Variants in RALYL observed in about 807,000 individuals in gnomAD.
RALYL encodes the protein RNA-binding Raly-like protein.
In RALYL, 29 loss-of-function variants were observed where a neutral mutation model predicts 35.1. The observed-to-expected ratio is 0.83, with a 90% CI of 0.61 to 1.13. The LOEUF is 1.13. Among genes scored for constraint, RALYL ranks in the 50% most tolerant of loss-of-function variants. The probability of loss-of-function intolerance (pLI) is 0.00; values close to 1 mark genes in which losing one functional copy is unlikely to be tolerated. For missense variants in RALYL, 359 were observed against 360.4 expected (o/e 1.00, Z 0.03); for synonymous variants, 120 against 127.6 (o/e 0.94, Z 0.40).
intron 3 of RALYL, among the ~76,000 whole-genome samples, chr8:84,801,020 G>A (rs1823120720): frequency 6.6e-6 from 1 of 152,126 alleles, no homozygotes; most frequent in African/African-American, 2.4e-5. Flanking sequence ...AGAAAAATGA[G>A]GTTATTCAGA....
Position 84,464,634 on chromosome 8 carries a change from A to G in RALYL, c.-23-64665A>G, listed in dbSNP as rs377302892. Among the ~76,000 whole-genome samples the G allele has an allele frequency of 6.7e-4, 102 of 151,868 alleles. 2 individuals are homozygous for G. The highest frequency in any genetic ancestry group is 3.7e-3 in the Admixed American group (57 of 15,242). On this transcript the variant is annotated intron_variant, in intron 1 of 8. Coordinates refer to ENST00000521268, the MANE Select transcript of RALYL (RefSeq NM_173848.7). ...ATGTGTCTTTATAGCAGCATGATTTATAGTCCTTTGGGTATATACCCAGTA... is the reference window on the plus strand; with the variant it reads ...ATGTGTCTTTATAGCAGCATGATTTGTAGTCCTTTGGGTATATACCCAGTA...
chr8:84,354,820 G>C (rs1212179152), intron 1 of RALYL, among the ~76,000 whole-genome samples: 1 of 149,936 alleles, frequency 6.7e-6, no homozygotes, highest in African/African-American at 2.5e-5. Flanking sequence ...AGAGCTTAAG[G>C]TTTCAGTTTT....
intron 2 of RALYL, among the ~76,000 whole-genome samples, chr8:84,734,237 T>C (rs1311223356): frequency 6.6e-6 from 1 of 152,138 alleles, no homozygotes. Flanking sequence ...ATTTAAATCT[T>C]TGACAAGCTA....
chr8:84,363,640 T>A (rs2131301754), intron 1 of RALYL, among the ~76,000 whole-genome samples: 1 of 152,270 alleles, frequency 6.6e-6, no homozygotes, highest in Admixed American at 6.5e-5. Context: ...GCCTTTGATC[T>A]AACTCTTTCT....
intron 1 of RALYL, among the ~76,000 whole-genome samples, chr8:84,491,967 G>A: frequency 6.6e-6 from 1 of 151,794 alleles, no homozygotes; most frequent in South Asian, 2.1e-4. Context: ...GGCAATTTGT[G>A]TTATCCCAGT....
intron 1 of RALYL, among the ~76,000 whole-genome samples, chr8:84,266,937 G>C (rs940051413): frequency 1.4e-5 from 2 of 146,154 alleles, no homozygotes; most frequent in Non-Finnish European, 3.0e-5. Flanking sequence ...TCCAGCCTGG[G>C]CGACAGAGCG....
chr8:84,688,093 A>T (rs1021198521), intron 2 of RALYL, among the ~76,000 whole-genome samples: 1 of 151,974 alleles, frequency 6.6e-6, no homozygotes, highest in African/African-American at 2.4e-5. Context: ...CCATTGATGA[A>T]CTAAGCTACT....
At chr8:84,654,642 T>C (rs116255492) in intron 2 of RALYL, among the ~76,000 whole-genome samples, 108 of 152,148 alleles carry the variant, frequency 7.1e-4, no homozygotes, top group African/African-American at 2.6e-3. Context: ...AGTTCAATTG[T>C]TTTAATATTT....
chr8:84,676,728 CAT>C (rs1258742070), intron 2 of RALYL, among the ~76,000 whole-genome samples: 5 of 152,166 alleles, frequency 3.3e-5, no homozygotes, highest in Non-Finnish European at 7.3e-5. Context: ...TATGGGGAAA[CAT>C]AGAAATGAAT....
At chr8:84,852,687 C>A (rs1443562732) in intron 5 of RALYL, among the ~76,000 whole-genome samples, 1 of 152,112 alleles carries the variant, frequency 6.6e-6, no homozygotes, top group Non-Finnish European at 1.5e-5. Flanking sequence ...CTGGTTGTTA[C>A]CGGAAAGGGG....
intron 1 of RALYL, among the ~76,000 whole-genome samples, chr8:84,447,646 G>T (rs922159060): frequency 6.6e-6 from 1 of 151,902 alleles, no homozygotes; most frequent in African/African-American, 2.4e-5. Context: ...GAATGACTAC[G>T]GTGTATTCAT....
At chr8:84,677,022 G>A (rs967335362) in intron 2 of RALYL, among the ~76,000 whole-genome samples, 5 of 151,976 alleles carry the variant, frequency 3.3e-5, no homozygotes, top group Middle Eastern at 3.2e-3. Flanking sequence ...GGCTGGTCTC[G>A]AACTCCCAAC....
intron 1 of RALYL, among the ~76,000 whole-genome samples, chr8:84,316,214 CAA>C (rs1843728087): frequency 6.6e-6 from 1 of 152,090 alleles, no homozygotes; most frequent in South Asian, 2.1e-4. Flanking sequence ...CATCTCTACC[CAA>C]AGTCAGCCTA....
intron 1 of RALYL, among the ~76,000 whole-genome samples, chr8:84,485,453 G>A (rs146326848): frequency 6.6e-6 from 1 of 152,020 alleles, no homozygotes; most frequent in African/African-American, 2.4e-5. Flanking sequence ...GGTGGTGCAC[G>A]CCTGCAATCT....
chr8:84,844,226 A>C (rs1424139819), intron 4 of RALYL, among the ~76,000 whole-genome samples: 1 of 152,206 alleles, frequency 6.6e-6, no homozygotes, highest in African/African-American at 2.4e-5. Flanking sequence ...TCATCTGATA[A>C]AGGGTTAATA....
At chr8:84,579,599 T>C (rs1303244572) in intron 2 of RALYL, among the ~76,000 whole-genome samples, 1 of 152,254 alleles carries the variant, frequency 6.6e-6, no homozygotes, top group Non-Finnish European at 1.5e-5. Context: ...TTACTGTGCA[T>C]GTGTTTTTGA....
At chr8:84,336,564 T>C (rs1322122376) in intron 1 of RALYL, among the ~76,000 whole-genome samples, 2 of 152,168 alleles carry the variant, frequency 1.3e-5, no homozygotes, top group African/African-American at 4.8e-5. Flanking sequence ...TTTTAAAGTA[T>C]GTAAAAGGAT....
intron 1 of RALYL, among the ~76,000 whole-genome samples, chr8:84,455,905 G>C (rs1002230491): frequency 2.0e-5 from 3 of 152,030 alleles, no homozygotes; most frequent in Admixed American, 2.0e-4. Flanking sequence ...GAATCTTCCT[G>C]GTTTCATCTC....
intron 1 of RALYL, among the ~76,000 whole-genome samples, chr8:84,472,368 C>CA (rs1297850836): frequency 6.6e-6 from 1 of 152,052 alleles, no homozygotes; most frequent in East Asian, 1.9e-4. Flanking sequence ...CTAGTGAGTT[C>CA]AAAAGGCTGG....
Sources: gnomAD v4.1 joint callset for allele counts (sites outside exome capture counted in the v4.1 genomes callset) on GRCh38, gnomAD v4.1.1 for gene constraint, MANE v1.5 for transcripts, NCBI Gene and HGNC (gene_info 2026-07-23, HGNC 2026-07-21) for gene names.